MRPS18A: variants seen among roughly 807,000 people sequenced by gnomAD.
MRPS18A encodes large ribosomal subunit protein mL66.
A neutral mutation model predicts 22.7 loss-of-function variants in MRPS18A; 20 were observed. The observed-to-expected ratio is 0.88, with a 90% CI of 0.62 to 1.28. The LOEUF (loss-of-function observed/expected upper bound fraction) is 1.28, where lower values mean the gene tolerates loss of function less well. Ranked by LOEUF, MRPS18A falls within the 50% of genes most tolerant of loss-of-function variation. The pLI is 0.00. For synonymous variants in MRPS18A, 106 were observed against 99.1 expected (o/e 1.07, Z -0.41); for missense variants, 294 against 262.6 (o/e 1.12, Z -0.83).
chr6:43,672,148 G>A, intron 5 of MRPS18A: 1 of 584,070 alleles, frequency 1.7e-6, no homozygotes, highest in Non-Finnish European at 3.1e-6. Flanking sequence ...AGGGCCACAA[G>A]CTCCCTTGAT....
rs1427662705 is a variant in MRPS18A at position 43,687,679 on chromosome 6, C to G, written c.101G>C (p.Gly34Ala). Residue 34 changes from glycine (G) to alanine (A), a missense_variant, in exon 1 of 6, where the codon GGG becomes GCG. Physicochemically the swap from Gly to Ala is moderately conservative, Grantham distance 60. Transcript: ENST00000372133. ...ATSWSRLPAR[G>A]FREVVETQEG... Reference sequence around the variant, plus strand: ...GACGCATGACTCACCTTCCCTGAACCCGCGAGCTGGAAGCCGAGACCAGCT... The same window carrying G: ...GACGCATGACTCACCTTCCCTGAACGCGCGAGCTGGAAGCCGAGACCAGCT... The G allele has an allele frequency of 1.3e-6, 2 of 1,573,508 alleles. No individual in the cohort carries two copies. Among genetic ancestry groups the G allele is most frequent in the East Asian group, 4.6e-5 (2 of 43,140 alleles).
intron 1 of MRPS18A, among the ~76,000 whole-genome samples, chr6:43,681,889 G>C (rs1406868787): frequency 6.6e-6 from 1 of 152,230 alleles, no homozygotes; most frequent in Non-Finnish European, 1.5e-5. Flanking sequence ...CGTCTGTCAG[G>C]CTGAATACAT....
intron 1 of MRPS18A, among the ~76,000 whole-genome samples, chr6:43,682,891 C>T (rs577387968): frequency 1.3e-5 from 2 of 152,304 alleles, no homozygotes; most frequent in South Asian, 2.1e-4. Context: ...TTTGCAAAAA[C>T]CAAGTTGAGA....
Position 43,673,870 on chromosome 6 carries a change from CTG to C in MRPS18A, c.446+1330_446+1331del. Among the ~76,000 whole-genome samples, 1 of 152,358 alleles carries C rather than the reference CTG, an allele frequency of 6.6e-6. No individual in the cohort carries two copies. Among genetic ancestry groups the C allele is most frequent in the East Asian group, 1.9e-4 (1 of 5,188 alleles). On this transcript the variant is annotated intron_variant, in intron 5 of 5. Transcript: ENST00000372133. The surrounding 1 kb of genome is among the most constrained non-coding windows in gnomAD (Gnocchi z 4.2). ...GACTAGCCCCCACACATCATCAATCCTGTGTCACGTTAAAGGATGCCGGATGT... is the reference window on the plus strand; with the variant it reads ...GACTAGCCCCCACACATCATCAATCCTGTCACGTTAAAGGATGCCGGATGT...
At chr6:43,678,414 T>A (rs1432917994) in intron 3 of MRPS18A, 104 bp downstream of exon 3, 1 of 848,306 alleles carries the variant, frequency 1.2e-6, no homozygotes, top group East Asian at 2.5e-5. Flanking sequence ...GGTGGTTCCA[T>A]GAAATGCAGC....
rs1000694900 is a variant in MRPS18A, at chr6:43,671,334, T to C, written c.*428A>G. 6 of 405,252 alleles carry C rather than the reference T, an allele frequency of 1.5e-5. No homozygotes were observed. The Admixed American group carries it at 1.6e-4, about 11-fold the overall frequency. 25.1% of individuals were successfully genotyped at this position (405,252 alleles called of 1,614,324 possible). ...AAGAGGATGGGACCTGTTTGGCCCA[T>C]GAATTCAATTGACTCATTGGCCCCA... On this transcript the variant is annotated 3_prime_UTR_variant, in exon 6 of 6. Coordinates refer to ENST00000372133, the MANE Select transcript of MRPS18A (RefSeq NM_018135.4).
chr6:43,681,213 A>G, intron 1 of MRPS18A, 93 bp from the exon 2 acceptor site: 1 of 1,331,326 alleles, frequency 7.5e-7, no homozygotes, highest in Non-Finnish European at 1.1e-6. Context: ...TCTGGAAAAA[A>G]GCAGCCTTCC....
chr6:43,674,709 T>C (rs905315928), intron 5 of MRPS18A, among the ~76,000 whole-genome samples: 1 of 152,198 alleles, frequency 6.6e-6, no homozygotes, highest in Non-Finnish European at 1.5e-5. Context: ...GGCTGCCACA[T>C]GGCGCTGTGT....
At position 43,673,489 on chromosome 6, in the gene MRPS18A, G is replaced by C. The variant is rs555634019; in HGVS notation, c.447-1583C>G. On this transcript the variant is annotated intron_variant, in intron 5 of 5. Coordinates refer to ENST00000372133, the MANE Select transcript of MRPS18A (RefSeq NM_018135.4). This position sits in a 1 kb window ranked among gnomAD's most constrained non-coding sequence, Gnocchi z 4.2. Reference sequence around the variant, plus strand: ...TCTCCAGAGCTACTGCCCTAAAGCTGTTCTTTCTCCCATGCCTTGGAGAGG... The same window carrying C: ...TCTCCAGAGCTACTGCCCTAAAGCTCTTCTTTCTCCCATGCCTTGGAGAGG... 4.6e-5 allele frequency among the ~76,000 whole-genome samples: 7 copies of C among 152,342 alleles called. No individual in the cohort carries two copies. The East Asian group carries it at 1.4e-3, about 29-fold the overall frequency.
At chr6:43,679,015 A>C (rs971277365) in intron 2 of MRPS18A, among the ~76,000 whole-genome samples, 5 of 152,204 alleles carry the variant, frequency 3.3e-5, no homozygotes, top group Non-Finnish European at 7.3e-5. Flanking sequence ...TGCACATGGT[A>C]AAAAGTTTTA....
chr6:43,679,948 C>T (rs138071428), intron 2 of MRPS18A, among the ~76,000 whole-genome samples: 25 of 152,236 alleles, frequency 1.6e-4, no homozygotes, highest in Non-Finnish European at 3.2e-4. Flanking sequence ...TTCACTTAAC[C>T]TCCAGAATCT....
At chr6:43,671,932 C>T (rs1433692876) in intron 5 of MRPS18A, 26 bp from the exon 6 acceptor site, 1 of 1,564,364 alleles carries the variant, frequency 6.4e-7, no homozygotes, top group Admixed American at 1.9e-5. Flanking sequence ...AAAGAGGTGC[C>T]TGTGAGGGCT....
chr6:43,681,844 G>C (rs1299112033), intron 1 of MRPS18A, among the ~76,000 whole-genome samples: 2 of 152,252 alleles, frequency 1.3e-5, no homozygotes, highest in Non-Finnish European at 2.9e-5. Context: ...GAGGCAGTCA[G>C]AAGAGAATCT....
At position 43,681,069 on chromosome 6, in the gene MRPS18A, G is replaced by C; in HGVS notation, c.144+20C>G. 1 of 1,612,456 alleles carries C rather than the reference G, an allele frequency of 6.2e-7. No individual in the cohort carries two copies. Among genetic ancestry groups the C allele is most frequent in the African/African-American group, 1.3e-5 (1 of 75,006 alleles). ...CCAAGCGTTAAAGAGGTTATACATG[G>C]CCAACTCAACGATACTTACTATAGT... On this transcript the variant is annotated intron_variant, in intron 2 of 5. Coordinates refer to ENST00000372133, the MANE Select transcript of MRPS18A (RefSeq NM_018135.4).
At chr6:43,679,163 C>A (rs1040143920) in intron 2 of MRPS18A, among the ~76,000 whole-genome samples, 1 of 152,190 alleles carries the variant, frequency 6.6e-6, no homozygotes, top group African/African-American at 2.4e-5. Context: ...TGATTTTGCT[C>A]CCCAGGGGAC....
chr6:43,684,624 T>C lies in MRPS18A; in HGVS notation c.112+3044A>G, dbSNP rs73430408. Among the ~76,000 whole-genome samples the C allele has an allele frequency of 3.1e-3, 472 of 152,292 alleles. 3 individuals carry two copies. Among genetic ancestry groups the C allele is most frequent in the African/African-American group, 0.011 (454 of 41,554 alleles). On this transcript the variant is annotated intron_variant, in intron 1 of 5. Coordinates refer to ENST00000372133, the MANE Select transcript of MRPS18A (RefSeq NM_018135.4). ...AAATTTCTTCCCACTAGCAGGTTAC[T>C]CTGGACTATGTCCCCTGAATTCTTT...
chr6:43,675,195 T>C lies in MRPS18A; in HGVS notation c.446+7A>G, dbSNP rs200771687. 1.4e-5 allele frequency: 21 copies of C among 1,512,756 alleles called. No homozygotes were observed. The highest frequency in any genetic ancestry group is 2.7e-5 in the South Asian group (2 of 74,324). The allele number at this position is 1,512,756 out of a possible 1,614,324, so 93.7% of individuals were successfully genotyped here. On this transcript the variant is annotated splice_region_variant and intron_variant, in intron 5 of 5. Transcript: ENST00000372133. The stretch of plus-strand genomic sequence containing the variant: ...CGCTCAGGTTGTTCACACCCAGGCT[T>C]GCTTACCGGTTGAGTTGGGGTTTGC...
rs144669015 is a variant in MRPS18A at position 43,681,111 on chromosome 6, G to A, written c.122C>T (p.Thr41Ile). ...PARGFREVVE[T>I]QEGKTTIIEG... ...TACTATAGTTGTCTTCCCTTCTTGG[G>A]TCTCCACCACTACGGAGATAAAGGG... is the stretch of plus-strand genomic sequence containing the variant. The change falls in exon 2 of 6, where the codon ACC (threonine) becomes ATC (isoleucine). Residue 41 changes from threonine (T) to isoleucine (I), a missense_variant. Physicochemically the swap from Thr to Ile is moderately conservative, Grantham distance 89 (BLOSUM62 -1). Coordinates refer to ENST00000372133, the MANE Select transcript of MRPS18A (RefSeq NM_018135.4). 1.5e-4 allele frequency: 235 copies of A among 1,613,458 alleles called. No individual in the cohort carries two copies. Among genetic ancestry groups the A allele is most frequent in the Middle Eastern group, 3.3e-4 (2 of 6,060 alleles).
At chr6:43,681,720 G>C (rs1341851354) in intron 1 of MRPS18A, among the ~76,000 whole-genome samples, 1 of 152,226 alleles carries the variant, frequency 6.6e-6, no homozygotes, top group Non-Finnish European at 1.5e-5. Flanking sequence ...ATACTGGAGA[G>C]TGTTGATGGA....
Sources: allele counts gnomAD v4.1 joint callset (sites outside exome capture counted in the v4.1 genomes callset), GRCh38; gene constraint gnomAD v4.1.1; non-coding constraint Gnocchi (gnomAD v3.1); transcripts MANE v1.5; gene names NCBI Gene and HGNC (gene_info 2026-07-23, HGNC 2026-07-21).